SCAPER: variants seen among roughly 807,000 people sequenced by gnomAD.
The protein encoded by SCAPER is S phase cyclin A-associated protein in the endoplasmic reticulum.
Under a neutral mutation model 182.2 loss-of-function variants are expected in SCAPER, and 98 were observed. The ratio of observed to expected loss-of-function variants is 0.54; its 90% CI spans 0.46 to 0.64. The LOEUF (loss-of-function observed/expected upper bound fraction) is 0.64, where lower values mean the gene tolerates loss of function less well. SCAPER is among the 30% of genes least tolerant of loss of function. SCAPER has a pLI of 0.00. For synonymous variants in SCAPER, 605 were observed against 564.6 expected, an observed-to-expected ratio of 1.07 and a Z score of -1.01; for missense variants, 1,432 against 1,690.0, an observed-to-expected ratio of 0.85 and a Z score of 2.68.
At chr15:76,807,579 T>A (rs952197415) in intron 5 of SCAPER, among the ~76,000 whole-genome samples, 1 of 151,914 alleles carries the variant, frequency 6.6e-6, no homozygotes, top group African/African-American at 2.4e-5. Context: ...CATGTGCACA[T>A]TGTGCAGGTT....
chr15:76,415,941 T>C (rs898494328), intron 26 of SCAPER, among the ~76,000 whole-genome samples: 7 of 152,290 alleles, frequency 4.6e-5, no homozygotes, highest in Admixed American at 2.6e-4. Flanking sequence ...ATGTTGACAG[T>C]ATTTCATAAT....
At chr15:76,800,401 G>T in intron 6 of SCAPER, 37 bp from the exon 7 acceptor site, 2 of 1,232,500 alleles carry the variant, frequency 1.6e-6, no homozygotes, top group Non-Finnish European at 2.4e-6. Context: ...TAAATTAACA[G>T]AGAAAAGGGA....
intron 24 of SCAPER, among the ~76,000 whole-genome samples, chr15:76,490,474 T>C (rs952770924): frequency 2.6e-5 from 4 of 152,204 alleles, no homozygotes; most frequent in Non-Finnish European, 1.5e-5. Flanking sequence ...ATTTAAGTCC[T>C]TTGTCCATTT....
chr15:76,451,937 T>C (rs1341419165), intron 25 of SCAPER, among the ~76,000 whole-genome samples: 1 of 152,266 alleles, frequency 6.6e-6, no homozygotes, highest in South Asian at 2.1e-4. Flanking sequence ...TTCTCTGTAT[T>C]TGCCATTCTA....
chr15:76,820,153 A>C (rs1170750977), intron 5 of SCAPER, among the ~76,000 whole-genome samples: 3 of 152,156 alleles, frequency 2.0e-5, no homozygotes, highest in African/African-American at 2.4e-5. Context: ...ACGGTAAACT[A>C]GTTCAACCAT....
At chr15:76,888,884 C>T (rs2074008383) in intron 1 of SCAPER, among the ~76,000 whole-genome samples, 2 of 152,048 alleles carry the variant, frequency 1.3e-5, no homozygotes, top group Non-Finnish European at 2.9e-5. Context: ...GTCAGATTCA[C>T]CAAGGTTGAA....
intron 23 of SCAPER, among the ~76,000 whole-genome samples, chr15:76,542,238 T>C (rs1178021857): frequency 1.3e-5 from 2 of 152,020 alleles, no homozygotes. Flanking sequence ...AATCCACAAC[T>C]CTGGCTGGGG....
At chr15:76,567,267 T>C (rs1452087602) in intron 23 of SCAPER, 2 of 446,430 alleles carry the variant, frequency 4.5e-6, no homozygotes, top group East Asian at 7.0e-5. Flanking sequence ...TATATGAACA[T>C]ACCATAATTT....
In SCAPER at chr15:76,637,798, G is replaced by GTA. The variant is rs1347235226; in HGVS notation, c.2646-15971_2646-15970dup. On this transcript the variant is annotated intron_variant, in intron 21 of 31. Transcript: ENST00000563290. ...TGTGTGTGTGTGTGTGTGTGTGTGT[G>GTA]TATGTATATATATATTCCACCCATC... 5.8e-4 allele frequency among the ~76,000 whole-genome samples: 77 copies of GTA among 132,212 alleles called. 2 individuals carry two copies. Among genetic ancestry groups the GTA allele is most frequent in the East Asian group, 8.5e-4 (4 of 4,728 alleles). The allele number at this position is 132,212 out of a possible 152,430, so 86.7% of individuals were successfully genotyped here.
At chr15:76,614,925 C>T (rs2051314294) in intron 22 of SCAPER, among the ~76,000 whole-genome samples, 1 of 152,096 alleles carries the variant, frequency 6.6e-6, no homozygotes, top group Admixed American at 6.5e-5. Flanking sequence ...AAAGTGGGCA[C>T]ATTACTACTG....
intron 17 of SCAPER, among the ~76,000 whole-genome samples, chr15:76,709,605 G>T (rs555895093): frequency 4.1e-4 from 62 of 152,284 alleles, no homozygotes; most frequent in African/African-American, 1.3e-3. Context: ...ACCCAAGCCT[G>T]ATGGCTTTAC....
chr15:76,513,092 G>A (rs965334980), intron 23 of SCAPER, among the ~76,000 whole-genome samples: 13 of 152,062 alleles, frequency 8.5e-5, no homozygotes, highest in Admixed American at 2.0e-4. Context: ...CATCACCTCT[G>A]CCGTACCTCA....
chr15:76,798,364 AAAAAAAAAAAG>A (rs2065488863), intron 7 of SCAPER, among the ~76,000 whole-genome samples: 1 of 151,854 alleles, frequency 6.6e-6, no homozygotes, highest in African/African-American at 2.4e-5. Flanking sequence ...TATCTTAAAA[AAAAAAAAAAAG>A]AAAAGAAAAA....
intron 29 of SCAPER, among the ~76,000 whole-genome samples, chr15:76,362,404 T>C (rs1004197815): frequency 2.0e-5 from 3 of 151,004 alleles, no homozygotes; most frequent in Non-Finnish European, 4.4e-5. Context: ...TGTAGTAGTT[T>C]CTTGCTCCCT....
intron 8 of SCAPER, chr15:76,793,328 T>C: frequency 4.1e-6 from 3 of 732,660 alleles, no homozygotes; most frequent in Admixed American, 2.1e-5. Context: ...TGTGTCTTTT[T>C]GTATGCTAAT....
At chr15:76,408,079 T>C (rs1392140806) in intron 26 of SCAPER, among the ~76,000 whole-genome samples, 2 of 152,318 alleles carry the variant, frequency 1.3e-5, no homozygotes, top group South Asian at 2.1e-4. Context: ...ATAAATGCCT[T>C]AATATTTTAA....
intron 20 of SCAPER, among the ~76,000 whole-genome samples, chr15:76,699,649 C>T (rs1196936453): frequency 2.0e-5 from 3 of 152,154 alleles, no homozygotes; most frequent in Non-Finnish European, 4.4e-5. Flanking sequence ...TGAGACCAGG[C>T]CCATGGCTTT....
chr15:76,522,073 AAT>A (rs981999562), intron 23 of SCAPER, among the ~76,000 whole-genome samples: 1 of 152,192 alleles, frequency 6.6e-6, no homozygotes, highest in Non-Finnish European at 1.5e-5. Context: ...AAAATCATGT[AAT>A]ATGTTTCTGA....
chr15:76,852,902 C>T (rs772344871), intron 4 of SCAPER, among the ~76,000 whole-genome samples: 6 of 151,960 alleles, frequency 3.9e-5, no homozygotes, highest in Admixed American at 1.3e-4. Flanking sequence ...ATCCAGGAGT[C>T]GGTTCTTTGA....
Sources: allele counts gnomAD v4.1 joint callset (sites outside exome capture counted in the v4.1 genomes callset), GRCh38; gene constraint gnomAD v4.1.1; transcripts MANE v1.5; gene names NCBI Gene and HGNC (gene_info 2026-07-23, HGNC 2026-07-21).